The following GALNTL6 variants were observed in gnomAD, a reference collection of about 807,000 sequenced individuals.
GALNTL6 encodes polypeptide N-acetylgalactosaminyltransferase like 6.
GALNTL6 carries 46 observed loss-of-function variants against 73.7 expected under a neutral mutation model. That is an observed-to-expected ratio of 0.62 (90% CI 0.49 to 0.80). GALNTL6 has a LOEUF of 0.80. Among genes scored for constraint, GALNTL6 ranks in the 30% least tolerant of loss-of-function variants. The pLI, the probability that GALNTL6 is intolerant of heterozygous loss-of-function variation, is 0.00. For missense variants in GALNTL6, 604 were observed against 755.0 expected, an observed-to-expected ratio of 0.80 and a Z score of 2.34; for synonymous variants, 259 against 263.7, an observed-to-expected ratio of 0.98 and a Z score of 0.17.
chr4:172,985,407 T>C (rs7671054), intron 10 of GALNTL6, among the ~76,000 whole-genome samples: 1,988 of 152,030 alleles, frequency 0.013, 36 homozygotes, highest in African/African-American at 0.043. Context: ...ATATTTAACA[T>C]TTTTTCTTTA....
rs538514741 is a variant in GALNTL6, at chr4:171,867,056, T to C, written c.138+52338T>C. Among the ~76,000 whole-genome samples, 23 of 152,220 alleles carry C rather than the reference T, an allele frequency of 1.5e-4. No homozygotes were observed. The East Asian group carries it at 4.2e-3, about 28-fold the overall frequency. On this transcript the variant is annotated intron_variant, in intron 2 of 12. Coordinates refer to ENST00000506823, the MANE Select transcript of GALNTL6 (RefSeq NM_001034845.3). ...TTCTATTCAACCTGGTAAAATACTT[T>C]TATAATATATAAAATATGATAAGTT...
chr4:173,021,399 A>G (rs1335420096), intron 11 of GALNTL6, 77 bp from the exon 12 acceptor site: 2 of 1,441,994 alleles, frequency 1.4e-6, no homozygotes, highest in African/African-American at 1.4e-5. Flanking sequence ...TTGCTAAAAG[A>G]CATACCTTCC....
chr4:172,757,800 T>C lies in GALNTL6; in HGVS notation c.554-51561T>C, dbSNP rs998888897. ...AAATGGAAAGTAAATGTTGAGATGT[T>C]ACGTCCCATGTGTTTTTTTCTGTTT... On this transcript the variant is annotated intron_variant, in intron 5 of 12. Coordinates refer to ENST00000506823, the MANE Select transcript of GALNTL6 (RefSeq NM_001034845.3). Among the ~76,000 whole-genome samples, 18 of 152,224 alleles carry C rather than the reference T, an allele frequency of 1.2e-4. 1 individual carries two copies. The highest frequency in any genetic ancestry group is 2.5e-4 in the Non-Finnish European group (17 of 68,026).
chr4:172,195,075 T>C (rs1453313989), intron 2 of GALNTL6, among the ~76,000 whole-genome samples: 3 of 151,782 alleles, frequency 2.0e-5, no homozygotes, highest in Non-Finnish European at 2.9e-5. Context: ...AAGACATACA[T>C]AAGCTCAAAA....
rs111352192 is a variant in GALNTL6, at chr4:172,434,182, G to A, written c.553+85493G>A. On this transcript the variant is annotated intron_variant, in intron 5 of 12. Transcript: ENST00000506823. ...TGTGACGAAAATATAATAATCTATCGATTATGGGATATAGATTCTAGTTTG... is the reference window on the plus strand; with the variant it reads ...TGTGACGAAAATATAATAATCTATCAATTATGGGATATAGATTCTAGTTTG... 6.1e-3 allele frequency among the ~76,000 whole-genome samples: 928 copies of A among 151,904 alleles called. 14 individuals carry two copies. Among genetic ancestry groups the A allele is most frequent in the African/African-American group, 0.021 (883 of 41,432 alleles).
At chr4:172,735,756 G>A (rs1289782050) in intron 5 of GALNTL6, among the ~76,000 whole-genome samples, 1 of 152,096 alleles carries the variant, frequency 6.6e-6, no homozygotes, top group Non-Finnish European at 1.5e-5. Context: ...CATGGGGGTG[G>A]GTTATCAGGG....
At chr4:172,033,164 A>G (rs1176895454) in intron 2 of GALNTL6, among the ~76,000 whole-genome samples, 1 of 151,432 alleles carries the variant, frequency 6.6e-6, no homozygotes, top group Non-Finnish European at 1.5e-5. Flanking sequence ...TTTATTACAC[A>G]CACACGGAGA....
chr4:172,992,398 T>TTTCTA (rs1217792848), intron 10 of GALNTL6, among the ~76,000 whole-genome samples: 1 of 152,216 alleles, frequency 6.6e-6, no homozygotes, highest in African/African-American at 2.4e-5. Flanking sequence ...TGTGAAGACA[T>TTTCTA]TTTTATTTTA....
intron 2 of GALNTL6, among the ~76,000 whole-genome samples, chr4:171,952,597 C>A (rs943996991): frequency 6.6e-6 from 1 of 151,844 alleles, no homozygotes; most frequent in Admixed American, 6.6e-5. Flanking sequence ...ATTGAAGTAG[C>A]AAAATTACAT....
chr4:173,037,450 A>T (rs1038160328), intron 12 of GALNTL6, among the ~76,000 whole-genome samples: 14 of 152,318 alleles, frequency 9.2e-5, no homozygotes, highest in Non-Finnish European at 1.6e-4. Context: ...GGTTCAGGGT[A>T]GTGGTATATT....
intron 3 of GALNTL6, among the ~76,000 whole-genome samples, chr4:172,236,465 C>A (rs750405839): frequency 3.9e-4 from 59 of 150,014 alleles, no homozygotes; most frequent in Non-Finnish European, 6.9e-4. Flanking sequence ...GAGGCTGAGG[C>A]AGGAGAATGG....
chr4:172,881,395 G>A (rs960980047), intron 7 of GALNTL6, among the ~76,000 whole-genome samples: 25 of 152,128 alleles, frequency 1.6e-4, no homozygotes, highest in Admixed American at 1.3e-4. Context: ...CCACTTTCCT[G>A]GAGAAAAACC....
At chr4:172,166,332 G>T (rs1036050847) in intron 2 of GALNTL6, among the ~76,000 whole-genome samples, 11 of 152,132 alleles carry the variant, frequency 7.2e-5, no homozygotes, top group African/African-American at 2.6e-4. Context: ...TGTAATCCCA[G>T]ATACTCTGGA....
chr4:172,413,547 G>T (rs1169326426), intron 5 of GALNTL6, among the ~76,000 whole-genome samples: 2 of 152,094 alleles, frequency 1.3e-5, no homozygotes, highest in African/African-American at 4.8e-5. Context: ...CCACATGGCA[G>T]CATGAACTGA....
At chr4:172,172,075 C>T (rs1281884676) in intron 2 of GALNTL6, among the ~76,000 whole-genome samples, 1 of 152,134 alleles carries the variant, frequency 6.6e-6, no homozygotes, top group Non-Finnish European at 1.5e-5. Flanking sequence ...ATCCCCAGTA[C>T]CTCAGAATGT....
chr4:171,925,004 G>A (rs930747318), intron 2 of GALNTL6, among the ~76,000 whole-genome samples: 4 of 152,180 alleles, frequency 2.6e-5, no homozygotes, highest in African/African-American at 9.7e-5. Flanking sequence ...AGTGGGTTAG[G>A]GATGGTTTCC....
At chr4:172,274,518 A>T (rs1463886935) in intron 3 of GALNTL6, among the ~76,000 whole-genome samples, 1 of 152,208 alleles carries the variant, frequency 6.6e-6, no homozygotes, top group African/African-American at 2.4e-5. Flanking sequence ...AAGATAATTA[A>T]TGGGTGGTTG....
chr4:172,543,740 A>G (rs1033641416), intron 5 of GALNTL6, among the ~76,000 whole-genome samples: 4 of 152,232 alleles, frequency 2.6e-5, no homozygotes, highest in Middle Eastern at 3.2e-3. Context: ...CCCTTCCGCT[A>G]TCTGTACTGC....
chr4:172,276,177 G>A (rs1738825748), intron 3 of GALNTL6, among the ~76,000 whole-genome samples: 2 of 152,216 alleles, frequency 1.3e-5, no homozygotes, highest in Non-Finnish European at 2.9e-5. Context: ...AAGGCTGGTG[G>A]GTCTTCACAG....
Sources: allele counts gnomAD v4.1 joint callset (sites outside exome capture counted in the v4.1 genomes callset), GRCh38; gene constraint gnomAD v4.1.1; transcripts MANE v1.5; gene names NCBI Gene and HGNC (gene_info 2026-07-23, HGNC 2026-07-21).